The following EVC2 variants were observed in gnomAD, a reference collection of about 807,000 sequenced individuals.
EVC2 encodes limbin.
In EVC2, 148 loss-of-function variants were observed where a neutral mutation model predicts 149.3. That is an observed-to-expected ratio of 0.99 (90% CI 0.87 to 1.14). The LOEUF (loss-of-function observed/expected upper bound fraction) is 1.14, where lower values mean the gene tolerates loss of function less well. EVC2 is among the 50% of genes most tolerant of loss of function. EVC2 has a pLI of 0.00. For synonymous variants in EVC2, 776 were observed against 649.9 expected, an observed-to-expected ratio of 1.19 and a Z score of -2.95; for missense variants, 1,854 against 1,627.3, an observed-to-expected ratio of 1.14 and a Z score of -2.40.
intron 9 of EVC2, among the ~76,000 whole-genome samples, chr4:5,648,364 TG>T (rs1717879346): frequency 6.6e-6 from 1 of 152,202 alleles, no homozygotes; most frequent in African/African-American, 2.4e-5. Flanking sequence ...ACACCTTACT[TG>T]ACCACTCCAT....
At chr4:5,543,925 C>T (rs1721564546) in intron 21 of EVC2, among the ~76,000 whole-genome samples, 1 of 152,182 alleles carries the variant, frequency 6.6e-6, no homozygotes. Flanking sequence ...AGCCCGAGGG[C>T]TCCAGGGCCA....
intron 9 of EVC2, among the ~76,000 whole-genome samples, chr4:5,644,629 C>G (rs1360139233): frequency 1.3e-5 from 2 of 152,136 alleles, no homozygotes; most frequent in Admixed American, 1.3e-4. Flanking sequence ...GCGTGCAGTT[C>G]AGTGGTAATA....
chr4:5,676,334 T>C (rs1013263461), intron 7 of EVC2, among the ~76,000 whole-genome samples: 2 of 152,176 alleles, frequency 1.3e-5, no homozygotes, highest in Non-Finnish European at 2.9e-5. Context: ...AAGGAGACAA[T>C]GGGGTAGCTC....
Position 5,636,071 on chromosome 4 carries a change from AACTT to A in EVC2, c.1471-4043_1471-4040del. ...ATGGCTGAAGTACTATACGAGAATT[AACTT>A]ACTTATACTCACAACAGCCCTCTAA... is the stretch of plus-strand genomic sequence containing the variant. On this transcript the variant is annotated intron_variant, in intron 10 of 21. Coordinates refer to ENST00000344408, the MANE Select transcript of EVC2 (RefSeq NM_147127.5). The surrounding 1 kb of genome is among the most constrained non-coding windows in gnomAD (Gnocchi z 4.6). Among the ~76,000 whole-genome samples the A allele has an allele frequency of 6.6e-6, 1 of 152,322 alleles. No individual in the cohort carries two copies. Among genetic ancestry groups the A allele is most frequent in the East Asian group, 1.9e-4 (1 of 5,180 alleles).
chr4:5,563,439 C>G (rs1395319572), intron 21 of EVC2, among the ~76,000 whole-genome samples: 1 of 152,174 alleles, frequency 6.6e-6, no homozygotes, highest in Non-Finnish European at 1.5e-5. Flanking sequence ...CTCCACCTCC[C>G]AGGTTCAAGT....
intron 19 of EVC2, among the ~76,000 whole-genome samples, chr4:5,573,745 G>T (rs2108776079): frequency 6.6e-6 from 1 of 152,312 alleles, no homozygotes; most frequent in African/African-American, 2.4e-5. Flanking sequence ...CGGTGTGCCT[G>T]TGGATGCAGC....
chr4:5,657,731 T>C lies in EVC2; in HGVS notation c.1145+5376A>G, dbSNP rs1248420913. Among the ~76,000 whole-genome samples the C allele has an allele frequency of 9.2e-6, 1 of 108,804 alleles. No homozygotes were observed. Among genetic ancestry groups the C allele is most frequent in the African/African-American group, 4.0e-5 (1 of 24,870 alleles). The allele number at this position is 108,804 out of a possible 152,430, so 71.4% of individuals were successfully genotyped here. A position where few individuals can be genotyped will look rare whatever the true frequency, so the allele number is the denominator to read the frequency against. On this transcript the variant is annotated intron_variant, in intron 9 of 21. Coordinates refer to ENST00000344408, the MANE Select transcript of EVC2 (RefSeq NM_147127.5). The surrounding 1 kb of genome is among the most constrained non-coding windows in gnomAD (Gnocchi z 4.7). ...GTGGGTAAGATGAAATACAACAACATTAATTTGAAAAAGAAAAAAAAAAAA... is the reference window on the plus strand; with the variant it reads ...GTGGGTAAGATGAAATACAACAACACTAATTTGAAAAAGAAAAAAAAAAAA...
chr4:5,674,220 C>G (rs546343024), intron 7 of EVC2, among the ~76,000 whole-genome samples: 12 of 152,076 alleles, frequency 7.9e-5, no homozygotes, highest in East Asian at 3.9e-4. Context: ...AGTGAGATCT[C>G]GAAGATAATC....
At chr4:5,684,575 CG>C (rs55917580) in intron 6 of EVC2, among the ~76,000 whole-genome samples, 96,177 of 151,112 alleles carry the variant, frequency 0.64, 30,768 homozygotes, top group East Asian at 0.72. Context: ...AGCCTGTACC[CG>C]GGGTGTGCAG....
At chr4:5,691,377 A>C in intron 3 of EVC2, 44 bp from the exon 4 acceptor site, 1 of 1,490,626 alleles carries the variant, frequency 6.7e-7, no homozygotes, top group African/African-American at 1.4e-5. Flanking sequence ...GAAATATTTC[A>C]TGCTATACAT....
chr4:5,647,132 G>C (rs1717780600), intron 9 of EVC2, among the ~76,000 whole-genome samples: 1 of 152,186 alleles, frequency 6.6e-6, no homozygotes, highest in Non-Finnish European at 1.5e-5. Context: ...CCCCCAGACA[G>C]TGGTGTAGGC....
intron 6 of EVC2, among the ~76,000 whole-genome samples, chr4:5,682,077 A>C (rs1239645072): frequency 6.6e-6 from 1 of 152,228 alleles, no homozygotes; most frequent in Non-Finnish European, 1.5e-5. Context: ...ATTGCTATGA[A>C]GATTAACTTA....
At chr4:5,602,084 G>A (rs886753108) in intron 16 of EVC2, among the ~76,000 whole-genome samples, 2 of 151,974 alleles carry the variant, frequency 1.3e-5, no homozygotes, top group African/African-American at 4.8e-5. Flanking sequence ...AGACCAGCCT[G>A]GGCAATGTAG....
At chr4:5,565,135 G>T in intron 21 of EVC2, 123 bp downstream of exon 21, 4 of 890,278 alleles carry the variant, frequency 4.5e-6, no homozygotes, top group South Asian at 1.3e-5. Flanking sequence ...GGTCTTCAGG[G>T]TCACAAATCT....
At chr4:5,536,603 T>C in the EVC2 span, among the ~76,000 whole-genome samples, 1 of 152,156 alleles carries the variant, frequency 6.6e-6, no homozygotes, top group Non-Finnish European at 1.5e-5. Context: ...GCTAACATGG[T>C]GAAACCCCGT....
chr4:5,699,651 A>AG (rs1165114683), intron 1 of EVC2, among the ~76,000 whole-genome samples: 2 of 150,934 alleles, frequency 1.3e-5, no homozygotes, highest in African/African-American at 2.4e-5. Flanking sequence ...ACAAAAAAAA[A>AG]AAAAAAAGAA....
chr4:5,562,655 G>C lies in EVC2; in HGVS notation c.*193C>G, dbSNP rs1236260083. The C allele has an allele frequency of 2.7e-6, 4 of 1,457,548 alleles. No homozygotes were observed. The highest frequency in any genetic ancestry group is 1.4e-5 in the South Asian group (1 of 69,964). The allele number at this position is 1,457,548 out of a possible 1,614,324, so 90.3% of individuals were successfully genotyped here. A position where few individuals can be genotyped will look rare whatever the true frequency, so the allele number is the denominator to read the frequency against. On this transcript the variant is annotated 3_prime_UTR_variant, in exon 22 of 22. Transcript: ENST00000344408. The surrounding 1 kb of genome is among the most constrained non-coding windows in gnomAD (Gnocchi z 4.3). The stretch of plus-strand genomic sequence containing the variant: ...GTTTATGTCCTTGTGATATGGAAGA[G>C]AGTGGGCCATCTGGAAATTCATGAG...
rs1279619529 is a variant in EVC2 at position 5,544,500 on chromosome 4, G to C, written c.3420-1288C>G. ...ATACTCATTAGCCTTCAAAACAAGT[G>C]CAACACAATCAGTGCAGGAGTCAGA... On this transcript the variant is annotated intron_variant and NMD_transcript_variant, in intron 21 of 22. Transcript: ENST00000475313. Among the ~76,000 whole-genome samples, 3 of 152,154 alleles carry C rather than the reference G, an allele frequency of 2.0e-5. No individual in the cohort carries two copies. The East Asian group carries it at 5.8e-4, about 29-fold the overall frequency.
chr4:5,645,310 G>A (rs1717634072), intron 9 of EVC2, among the ~76,000 whole-genome samples: 1 of 150,046 alleles, frequency 6.7e-6, no homozygotes, highest in Non-Finnish European at 1.5e-5. Context: ...TTTTTATACA[G>A]GTAAACTTGT....
Sources: gnomAD v4.1 joint callset for allele counts (sites outside exome capture counted in the v4.1 genomes callset) on GRCh38, gnomAD v4.1.1 for gene constraint, Gnocchi (gnomAD v3.1) non-coding constraint, MANE v1.5 for transcripts, NCBI Gene and HGNC (gene_info 2026-07-23, HGNC 2026-07-21) for gene names.